COQ8B: variants seen among roughly 807,000 people sequenced by gnomAD.
COQ8B encodes atypical kinase COQ8B, mitochondrial.
A neutral mutation model predicts 62.0 loss-of-function variants in COQ8B; 44 were observed. The observed-to-expected ratio is 0.71, with a 90% CI of 0.56 to 0.91. COQ8B has a LOEUF of 0.91. Among genes scored for constraint, COQ8B ranks in the 40% least tolerant of loss-of-function variants. COQ8B has a pLI of 0.00. For missense variants in COQ8B, 649 were observed against 731.6 expected (o/e 0.89, Z 1.30); for synonymous variants, 252 against 289.9 (o/e 0.87, Z 1.33).
At chr19:40,696,805 C>T (rs2082018362) in intron 12 of COQ8B, among the ~76,000 whole-genome samples, 1 of 152,112 alleles carries the variant, frequency 6.6e-6, no homozygotes. Flanking sequence ...TTATGCATTT[C>T]TATATTTTCT....
chr19:40,691,702 T>C lies in COQ8B; in HGVS notation c.*333A>G, dbSNP rs895840267. Reference sequence around the variant, plus strand: ...ACCATCTCGCCTTCCACGGGAGGCTTGAGGCAGAGGTGAGGGCTCCCCCTG... The same window carrying C: ...ACCATCTCGCCTTCCACGGGAGGCTCGAGGCAGAGGTGAGGGCTCCCCCTG... On this transcript the variant is annotated 3_prime_UTR_variant, in exon 15 of 15. Transcript: ENST00000324464. 2 of 210,812 alleles carry C rather than the reference T, an allele frequency of 9.5e-6. No homozygotes were observed. Among genetic ancestry groups the C allele is most frequent in the Non-Finnish European group, 1.9e-5 (2 of 106,418 alleles). 13.1% of individuals were successfully genotyped at this position (210,812 alleles called of 1,614,324 possible). A position where few individuals can be genotyped will look rare whatever the true frequency, so the allele number is the denominator to read the frequency against.
chr19:40,702,697 T>TG lies in COQ8B; in HGVS notation c.800-5dup. The TG allele has an allele frequency of 1.2e-6, 2 of 1,606,584 alleles. No individual in the cohort carries two copies. The highest frequency in any genetic ancestry group is 1.7e-6 in the Non-Finnish European group (2 of 1,179,862). Reference sequence around the variant, plus strand: ...AGGCTCTGCTCGGCAAACAGGCCTGTGGGGGAGGTGTGTCAGCCAGGGAAG... The same window carrying TG: ...AGGCTCTGCTCGGCAAACAGGCCTGTGGGGGGAGGTGTGTCAGCCAGGGAAG... On this transcript the variant is annotated splice_region_variant and splice_polypyrimidine_tract_variant and intron_variant, in intron 9 of 14. Coordinates refer to ENST00000324464, the MANE Select transcript of COQ8B (RefSeq NM_024876.4).
At chr19:40,715,472 T>A in intron 1 of COQ8B, 1 of 985,582 alleles carries the variant, frequency 1.0e-6, no homozygotes, top group Non-Finnish European at 1.2e-6. Flanking sequence ...CACAATTCCT[T>A]TGAATACACA....
At chr19:40,700,042 C>G in intron 12 of COQ8B, 25 bp downstream of exon 12, 3 of 1,597,922 alleles carry the variant, frequency 1.9e-6, no homozygotes, top group Non-Finnish European at 2.6e-6. Flanking sequence ...CAAATGTACC[C>G]AGACACACAT....
rs753557137 is a variant in COQ8B, at chr19:40,703,837, G to A, written c.595C>T (p.Leu199Phe). ...WQMLRVLEEE[L>F]GRDWQAKVAS... ...ACCTTGGCCTGCCAGTCCCTGCCGA[G>A]CTCCTCTTCAAGAACTCTCTGCGGG... Residue 199 changes from leucine (L) to phenylalanine (F), a missense_variant, in exon 8 of 15, where the codon CTC becomes TTC. Coordinates refer to ENST00000324464, the MANE Select transcript of COQ8B (RefSeq NM_024876.4). The A allele has an allele frequency of 1.9e-6, 3 of 1,611,460 alleles. No individual in the cohort carries two copies. The South Asian group carries it at 3.3e-5, about 18-fold the overall frequency.
chr19:40,705,799 A>G (rs2082096298), intron 5 of COQ8B, among the ~76,000 whole-genome samples: 1 of 151,964 alleles, frequency 6.6e-6, no homozygotes, highest in Non-Finnish European at 1.5e-5. Context: ...GTATGGTGGC[A>G]TGTGCCTGTA....
At chr19:40,704,903 G>C (rs553921072) in intron 7 of COQ8B, 193 bp downstream of exon 7, 1 of 561,578 alleles carries the variant, frequency 1.8e-6, no homozygotes, top group African/African-American at 1.9e-5. Flanking sequence ...GAAGCACAGA[G>C]AGGTCAGGCT....
Position 40,691,935 on chromosome 19 carries a change from C to A in COQ8B, c.*100G>T. 8.3e-7 allele frequency: 1 copy of A among 1,205,386 alleles called. No homozygotes were observed. The highest frequency in any genetic ancestry group is 1.1e-6 in the Non-Finnish European group (1 of 911,352). The allele number at this position is 1,205,386 out of a possible 1,614,324, so 74.7% of individuals were successfully genotyped here. A position where few individuals can be genotyped will look rare whatever the true frequency, so the allele number is the denominator to read the frequency against. On this transcript the variant is annotated 3_prime_UTR_variant, in exon 15 of 15. Coordinates refer to ENST00000324464, the MANE Select transcript of COQ8B (RefSeq NM_024876.4). ...AGGAGAGCCAGGCAAGACTGGGAAG[C>A]CCAAGGGGGCTCCTCTGACCCAGGG...
Position 40,700,136 on chromosome 19 carries a change from C to T in COQ8B, c.1074G>A (p.Leu358=), listed in dbSNP as rs758241049. The T allele has an allele frequency of 2.5e-6, 4 of 1,614,252 alleles. No individual in the cohort carries two copies. The highest frequency in any genetic ancestry group is 3.4e-6 in the Non-Finnish European group (4 of 1,180,044). ...FQLLTLCLRE[L]FEFRFMQTDP... Reference sequence around the variant, plus strand: ...CAGTCTGCATGAATCGGAACTCAAACAGCTCCCGCAGACACAGCGTCAGGA... The same window carrying T: ...CAGTCTGCATGAATCGGAACTCAAATAGCTCCCGCAGACACAGCGTCAGGA... Residue 358 remains leucine (L), a synonymous_variant, in exon 12 of 15, where the codon CTG becomes CTA. Coordinates refer to ENST00000324464, the MANE Select transcript of COQ8B (RefSeq NM_024876.4).
intron 12 of COQ8B, among the ~76,000 whole-genome samples, chr19:40,699,435 A>T (rs1336965246): frequency 5.4e-5 from 8 of 146,838 alleles, no homozygotes; most frequent in Non-Finnish European, 9.0e-5. Context: ...TGTGCTCCTC[A>T]TTGTGGTTGG....
chr19:40,706,667 T>C (rs2082103182), intron 5 of COQ8B, among the ~76,000 whole-genome samples: 1 of 152,146 alleles, frequency 6.6e-6, no homozygotes, highest in Admixed American at 6.6e-5. Context: ...GCTATGTCAC[T>C]CAGACTGGTC....
At chr19:40,700,652 C>T (rs950558303) in intron 10 of COQ8B, 1 of 644,422 alleles carries the variant, frequency 1.6e-6, no homozygotes, top group Non-Finnish European at 2.6e-6. Context: ...CTCCAAGGTG[C>T]CTACTCTGCA....
rs1291233620 is a variant in COQ8B at position 40,714,115 on chromosome 19, C to A, written c.241G>T (p.Glu81Ter). 3 of 1,614,060 alleles carry A rather than the reference C, an allele frequency of 1.9e-6. No homozygotes were observed. Among genetic ancestry groups the A allele is most frequent in the East Asian group, 4.5e-5 (2 of 44,878 alleles). ...PRPQLSDRSR[E>*]RKVPASRISR... ...ATGCGGGAGGCAGGCACCTTGCGTT[C>A]TCGAGAGCGGTCACTCAGCTGGGAA... The change falls in exon 4 of 15, where the codon GAA (glutamate) becomes TAA (stop). Residue 81 changes from glutamate (E) to a stop codon, truncating the protein, a stop_gained. Coordinates refer to ENST00000324464, the MANE Select transcript of COQ8B (RefSeq NM_024876.4). LOFTEE classifies it high-confidence loss of function.
At chr19:40,710,031 C>T (rs1464468177) in intron 5 of COQ8B, 28 bp downstream of exon 5, 1 of 1,612,054 alleles carries the variant, frequency 6.2e-7, no homozygotes, top group East Asian at 2.2e-5. Context: ...AAGCCAGGAT[C>T]TGAACCCAGG....
chr19:40,695,321 T>TA (rs778764973), intron 13 of COQ8B, among the ~76,000 whole-genome samples: 98 of 64,350 alleles, frequency 1.5e-3, no homozygotes, highest in Admixed American at 1.6e-3. Flanking sequence ...CTGTCTCAAT[T>TA]AAAAAAAAAA....
At chr19:40,712,644 G>A (rs187271657) in intron 4 of COQ8B, among the ~76,000 whole-genome samples, 2 of 152,214 alleles carry the variant, frequency 1.3e-5, no homozygotes, top group East Asian at 1.9e-4. Flanking sequence ...AGACATTTAC[G>A]TTATAACCAG....
intron 12 of COQ8B, among the ~76,000 whole-genome samples, chr19:40,697,847 T>TATAC (rs2082027573): frequency 1.8e-5 from 1 of 56,894 alleles, no homozygotes; most frequent in Non-Finnish European, 3.3e-5. Flanking sequence ...TATATATATA[T>TATAC]ATATAGAGAG....
At chr19:40,702,883 C>G (rs2082071706) in intron 9 of COQ8B, among the ~76,000 whole-genome samples, 190 bp from the exon 10 acceptor site, 2 of 152,054 alleles carry the variant, frequency 1.3e-5, no homozygotes, top group Non-Finnish European at 2.9e-5. Flanking sequence ...GCATCTGTCC[C>G]TCTCCTGTCT....
Position 40,693,140 on chromosome 19 carries a change from C to A in COQ8B, c.1210-103G>T, listed in dbSNP as rs942259702. On this transcript the variant is annotated intron_variant, in intron 13 of 14. Transcript: ENST00000324464. Reference sequence around the variant, plus strand: ...GGCCTCCCATGTACCCACCTCCATTCTCATCTGCCTGGGCCCTCCCTCACC... The same window carrying A: ...GGCCTCCCATGTACCCACCTCCATTATCATCTGCCTGGGCCCTCCCTCACC... 7 of 951,674 alleles carry A rather than the reference C, an allele frequency of 7.4e-6. 1 individual carries two copies. In the African/African-American group the frequency reaches 8.3e-5, roughly 11 times the overall value. 59.0% of individuals were successfully genotyped at this position (951,674 alleles called of 1,614,324 possible). A position where few individuals can be genotyped will look rare whatever the true frequency, so the allele number is the denominator to read the frequency against.
Sources: allele counts gnomAD v4.1 joint callset (sites outside exome capture counted in the v4.1 genomes callset), GRCh38; gene constraint gnomAD v4.1.1; transcripts MANE v1.5; gene names NCBI Gene and HGNC (gene_info 2026-07-23, HGNC 2026-07-21).